The following SCAPER variants were observed in gnomAD, a reference collection of about 807,000 sequenced individuals.
The protein encoded by SCAPER is S phase cyclin A-associated protein in the endoplasmic reticulum.
In SCAPER, 98 loss-of-function variants were observed where a neutral mutation model predicts 182.2. That is an observed-to-expected ratio of 0.54 (90% CI 0.46 to 0.64). SCAPER has a LOEUF of 0.64. SCAPER is among the 30% of genes least tolerant of loss of function. The probability of loss-of-function intolerance (pLI) is 0.00; values close to 1 mark genes in which losing one functional copy is unlikely to be tolerated. For missense variants in SCAPER, 1,432 were observed against 1,690.0 expected (o/e 0.85, Z 2.68); for synonymous variants, 605 against 564.6 (o/e 1.07, Z -1.01).
chr15:76,467,381 T>C (rs1200016305), intron 25 of SCAPER, among the ~76,000 whole-genome samples: 1 of 151,828 alleles, frequency 6.6e-6, no homozygotes, highest in Non-Finnish European at 1.5e-5. Context: ...AGCTGGGATA[T>C]TGTCCACATG....
chr15:76,748,331 C>T (rs887655211), intron 15 of SCAPER, among the ~76,000 whole-genome samples: 9 of 151,954 alleles, frequency 5.9e-5, no homozygotes, highest in African/African-American at 2.2e-4. Context: ...AGTTGAACCC[C>T]TACCACAGAT....
chr15:76,787,190 T>C (rs990342499), intron 8 of SCAPER, among the ~76,000 whole-genome samples: 7 of 152,064 alleles, frequency 4.6e-5, no homozygotes, highest in Non-Finnish European at 8.8e-5. Flanking sequence ...AAAAACAATT[T>C]TGAAAAAGAA....
At chr15:76,883,972 AAAC>A (rs2073713670) in intron 1 of SCAPER, 96 bp from the exon 2 acceptor site, 4 of 612,208 alleles carry the variant, frequency 6.5e-6, no homozygotes, top group Admixed American at 8.0e-5. Context: ...CACTTACATT[AAAC>A]AACAACAAAA....
In SCAPER at chr15:76,711,174, T is replaced by C. The variant is rs115961364; in HGVS notation, c.2166-5190A>G. On this transcript the variant is annotated intron_variant, in intron 17 of 31. Coordinates refer to ENST00000563290, the MANE Select transcript of SCAPER (RefSeq NM_020843.4). The stretch of plus-strand genomic sequence containing the variant: ...AATTTCTTAGATATGAAAACCATTG[T>C]ATATAAAATGAAAATTTGATATACT... Among the ~76,000 whole-genome samples, 1,140 of 152,292 alleles carry C rather than the reference T, an allele frequency of 7.5e-3. 19 individuals carry two copies. Among genetic ancestry groups the C allele is most frequent in the African/African-American group, 0.026 (1,086 of 41,582 alleles).
intron 5 of SCAPER, among the ~76,000 whole-genome samples, chr15:76,841,117 T>C (rs2069435449): frequency 6.6e-6 from 1 of 152,204 alleles, no homozygotes; most frequent in Non-Finnish European, 1.5e-5. Context: ...TAATGTTGTG[T>C]GTGTATCCAA....
At position 76,769,316 on chromosome 15, in the gene SCAPER, G is replaced by A. The variant is rs569735535; in HGVS notation, c.1249-2228C>T. 2.0e-4 allele frequency among the ~76,000 whole-genome samples: 30 copies of A among 151,786 alleles called. 1 individual carries two copies. The highest frequency in any genetic ancestry group is 1.5e-3 in the Admixed American group (23 of 15,258). On this transcript the variant is annotated intron_variant, in intron 10 of 31. Coordinates refer to ENST00000563290, the MANE Select transcript of SCAPER (RefSeq NM_020843.4). ...AAATTAGCCAGGCGTGGTGGCAAGCGCCTGTAGTCCCAGCTACTCGGGAGG... is the reference window on the plus strand; with the variant it reads ...AAATTAGCCAGGCGTGGTGGCAAGCACCTGTAGTCCCAGCTACTCGGGAGG...
At chr15:76,738,899 G>T (rs1010316032) in intron 15 of SCAPER, among the ~76,000 whole-genome samples, 3 of 152,116 alleles carry the variant, frequency 2.0e-5, no homozygotes, top group African/African-American at 7.2e-5. Context: ...CAAAAATAAA[G>T]ACTTTGCTTG....
intron 29 of SCAPER, among the ~76,000 whole-genome samples, chr15:76,370,972 C>T (rs370105609): frequency 6.6e-6 from 1 of 152,198 alleles, no homozygotes; most frequent in East Asian, 1.9e-4. Flanking sequence ...ACACCCCCCA[C>T]CGCTAGCCAA....
At position 76,828,950 on chromosome 15, in the gene SCAPER, T is replaced by C. The variant is rs188285656; in HGVS notation, c.393+12784A>G. ...TCAAATGATCCAGCAATCCCACTAC[T>C]GGGTATTTACCCAAAGGAAACGAAG... On this transcript the variant is annotated intron_variant, in intron 5 of 31. Coordinates refer to ENST00000563290, the MANE Select transcript of SCAPER (RefSeq NM_020843.4). Among the ~76,000 whole-genome samples the C allele has an allele frequency of 2.0e-3, 299 of 152,336 alleles. 2 individuals are homozygous for C. Among genetic ancestry groups the C allele is most frequent in the Non-Finnish European group, 5.6e-4 (38 of 68,032 alleles).
In SCAPER at chr15:76,458,891, CTTAT is replaced by C. The variant is rs572920121; in HGVS notation, c.3078+12317_3078+12320del. Among the ~76,000 whole-genome samples the C allele has an allele frequency of 1.9e-3, 289 of 151,922 alleles. 1 individual carries two copies. Among genetic ancestry groups the C allele is most frequent in the African/African-American group, 6.0e-3 (250 of 41,430 alleles). Reference sequence around the variant, plus strand: ...CTACTCTCTATCTCCATACGATCAACTTATTTATTTATTTATTCATTGAGACAAG... The same window carrying C: ...CTACTCTCTATCTCCATACGATCAACTTATTTATTTATTCATTGAGACAAG... On this transcript the variant is annotated intron_variant, in intron 25 of 31. Transcript: ENST00000563290.
intron 17 of SCAPER, among the ~76,000 whole-genome samples, chr15:76,714,867 G>A (rs1332154761): frequency 6.6e-6 from 1 of 151,952 alleles, no homozygotes; most frequent in Non-Finnish European, 1.5e-5. Context: ...ATGCAAGCCT[G>A]ATTTAACATT....
chr15:76,711,460 A>G (rs2059559674), intron 17 of SCAPER, among the ~76,000 whole-genome samples: 1 of 152,214 alleles, frequency 6.6e-6, no homozygotes, highest in African/African-American at 2.4e-5. Context: ...AATGAAAATT[A>G]AAATAATGAA....
At chr15:76,795,559 A>C (rs1385076106) in intron 7 of SCAPER, 119 bp from the exon 8 acceptor site, 12 of 671,582 alleles carry the variant, frequency 1.8e-5, no homozygotes, top group East Asian at 3.2e-5. Context: ...ATAGAATAAT[A>C]ATCTGCCACG....
chr15:76,805,583 G>A (rs1217607704), intron 5 of SCAPER, among the ~76,000 whole-genome samples: 5 of 133,662 alleles, frequency 3.7e-5, no homozygotes, highest in Non-Finnish European at 6.2e-5. Flanking sequence ...TTTTGGAGAC[G>A]GAGTCTCGCT....
chr15:76,684,805 C>G (rs2057933847), intron 20 of SCAPER, among the ~76,000 whole-genome samples: 1 of 151,498 alleles, frequency 6.6e-6, no homozygotes, highest in Non-Finnish European at 1.5e-5. Context: ...GGACCAGGAC[C>G]AGATGAATTT....
intron 24 of SCAPER, among the ~76,000 whole-genome samples, chr15:76,499,898 A>C (rs942432623): frequency 6.6e-6 from 1 of 152,236 alleles, no homozygotes; most frequent in African/African-American, 2.4e-5. Context: ...GCTTCTTAGA[A>C]GCCAAAGTGA....
At chr15:76,559,637 C>A (rs78296433) in intron 23 of SCAPER, among the ~76,000 whole-genome samples, 10,160 of 152,132 alleles carry the variant, frequency 0.067, 377 homozygotes, top group Middle Eastern at 0.11. Flanking sequence ...TGAACAAATG[C>A]AGGAAAAGAA....
At chr15:76,680,411 GATAATA>G (rs10569185) in intron 20 of SCAPER, among the ~76,000 whole-genome samples, 32,502 of 142,272 alleles carry the variant, frequency 0.23, 3,840 homozygotes, top group Admixed American at 0.32. Context: ...TGATGATGAT[GATAATA>G]ATAATAATAA....
intron 23 of SCAPER, among the ~76,000 whole-genome samples, chr15:76,527,804 G>A (rs1380519697): frequency 2.0e-5 from 3 of 152,158 alleles, no homozygotes; most frequent in African/African-American, 7.2e-5. Context: ...GTTTTTGACA[G>A]CCTATGTCCT....
Sources: allele counts gnomAD v4.1 joint callset (sites outside exome capture counted in the v4.1 genomes callset), GRCh38; gene constraint gnomAD v4.1.1; transcripts MANE v1.5; gene names NCBI Gene and HGNC (gene_info 2026-07-23, HGNC 2026-07-21).